RAP1GAP2: variants seen among roughly 807,000 people sequenced by gnomAD.
RAP1GAP2 encodes the protein RAP1 GTPase activating protein 2, also known as rap1 GTPase-activating protein 2.
RAP1GAP2 carries 27 observed loss-of-function variants against 95.0 expected under a neutral mutation model. That is an observed-to-expected ratio of 0.28 (90% confidence interval 0.21 to 0.39). The LOEUF is 0.39. Among genes scored for constraint, RAP1GAP2 ranks in the 10% least tolerant of loss-of-function variants. The pLI is 1.00. For synonymous variants in RAP1GAP2, 373 were observed against 380.9 expected, an observed-to-expected ratio of 0.98 and a Z score of 0.24; for missense variants, 771 against 970.0, an observed-to-expected ratio of 0.79 and a Z score of 2.72.
intron 2 of RAP1GAP2, among the ~76,000 whole-genome samples, chr17:2,800,782 G>A (rs1017476665): frequency 6.6e-6 from 1 of 151,974 alleles, no homozygotes; most frequent in African/African-American, 2.4e-5. Context: ...AATGGTGGGA[G>A]TGTGTGTAGC....
intron 2 of RAP1GAP2, among the ~76,000 whole-genome samples, chr17:2,811,799 G>A (rs1470361796): frequency 3.9e-5 from 6 of 152,042 alleles, no homozygotes; most frequent in South Asian, 2.1e-4. Flanking sequence ...GGCTGGTCCC[G>A]AACTCCTGAC....
Position 2,980,316 on chromosome 17 carries a change from T to C in RAP1GAP2, c.626T>C (p.Ile209Thr). Residue 209 changes from isoleucine to threonine, a missense_variant, in exon 9 of 25, where the codon ATC becomes ACC. Coordinates refer to ENST00000254695, the MANE Select transcript of RAP1GAP2 (RefSeq NM_015085.5). ...AAACTGAAGACGGTACATGAGCGGA[T>C]CCCCTTGGCTGGACTGAGCAAGCTT... ...RSKLKTVHERIPLAGLSKLPS... is the reference protein window; with the variant it reads ...RSKLKTVHERTPLAGLSKLPS... 6.2e-7 allele frequency: 1 copy of C among 1,613,852 alleles called. No individual in the cohort carries two copies. Among genetic ancestry groups the C allele is most frequent in the African/African-American group, 1.3e-5 (1 of 75,020 alleles).
intron 3 of RAP1GAP2, among the ~76,000 whole-genome samples, chr17:2,931,454 C>T (rs766009799): frequency 1.3e-5 from 2 of 152,168 alleles, no homozygotes; most frequent in Non-Finnish European, 2.9e-5. Flanking sequence ...GCCAGGACAG[C>T]GGGGCCGGGA....
chr17:2,949,205 G>T (rs370331862), intron 3 of RAP1GAP2, among the ~76,000 whole-genome samples: 164 of 152,276 alleles, frequency 1.1e-3, no homozygotes, highest in African/African-American at 3.9e-3. Flanking sequence ...AATGCTGGCC[G>T]CCCCTCTGAT....
chr17:2,800,486 G>C (rs1384377470), intron 1 of RAP1GAP2, 29 bp from the exon 2 acceptor site: 1 of 1,608,674 alleles, frequency 6.2e-7, no homozygotes, highest in Non-Finnish European at 8.5e-7. Context: ...CCTCAGCACT[G>C]ACCGGAGCCC....
At chr17:2,875,143 T>C (rs149435622) in intron 2 of RAP1GAP2, among the ~76,000 whole-genome samples, 9,769 of 152,170 alleles carry the variant, frequency 0.064, 1,057 homozygotes, top group African/African-American at 0.22. Context: ...CTCGGCTCAC[T>C]GCAACCCCTG....
rs1397327832 is a variant in RAP1GAP2, at chr17:2,981,187, C to T, written c.676-8C>T. On this transcript the variant is annotated splice_polypyrimidine_tract_variant and splice_region_variant and intron_variant, in intron 9 of 24. Coordinates refer to ENST00000254695, the MANE Select transcript of RAP1GAP2 (RefSeq NM_015085.5). ...ATCCCTGACCTGCGTCTTCTTCTCCCTTCTCAGGCTTTCTGTGATGATGCA... is the reference window on the plus strand; with the variant it reads ...ATCCCTGACCTGCGTCTTCTTCTCCTTTCTCAGGCTTTCTGTGATGATGCA... The T allele has an allele frequency of 6.2e-7, 1 of 1,611,758 alleles. No homozygotes were observed. Among genetic ancestry groups the T allele is most frequent in the Non-Finnish European group, 8.5e-7 (1 of 1,178,788 alleles).
chr17:2,996,976 G>A (rs999201835), intron 13 of RAP1GAP2, among the ~76,000 whole-genome samples: 5 of 152,134 alleles, frequency 3.3e-5, no homozygotes, highest in African/African-American at 7.2e-5. Context: ...ATACAGGAGC[G>A]GGTTTTTGTG....
At chr17:2,887,169 T>G (rs1384430208) in intron 2 of RAP1GAP2, among the ~76,000 whole-genome samples, 1 of 151,946 alleles carries the variant, frequency 6.6e-6, no homozygotes, top group Non-Finnish European at 1.5e-5. Flanking sequence ...GCGATTCTAG[T>G]GCCTCAGCCT....
In RAP1GAP2 at chr17:2,884,372, G is replaced by GTTTTTT. The variant is rs72123618; in HGVS notation, c.81-20899_81-20894dup. ...CTCTTGGAGTCAGAGTTCTTGAGTT[G>GTTTTTT]TTTTTTTTTTTTTTTTTTGAGACAG... On this transcript the variant is annotated intron_variant, in intron 2 of 24. Transcript: ENST00000254695. 8.1e-5 allele frequency among the ~76,000 whole-genome samples: 10 copies of GTTTTTT among 123,734 alleles called. 1 individual carries two copies. The highest frequency in any genetic ancestry group is 8.4e-5 in the Non-Finnish European group (5 of 59,522). 81.2% of individuals were successfully genotyped at this position (123,734 alleles called of 152,430 possible). A position where few individuals can be genotyped will look rare whatever the true frequency, so the allele number is the denominator to read the frequency against.
intron 17 of RAP1GAP2, 111 bp from the exon 18 acceptor site, chr17:3,017,950 T>C: frequency 1.0e-6 from 1 of 963,734 alleles, no homozygotes; most frequent in Non-Finnish European, 1.5e-6. Flanking sequence ...TGTGTGTGTA[T>C]GTGTGCACGC....
intron 14 of RAP1GAP2, among the ~76,000 whole-genome samples, chr17:3,002,055 C>T (rs932518184): frequency 5.3e-5 from 8 of 151,736 alleles, no homozygotes; most frequent in East Asian, 1.9e-4. Context: ...CTCTGCCTCC[C>T]GGGTTCAAGC....
At chr17:2,856,288 C>T (rs1008389148) in intron 2 of RAP1GAP2, among the ~76,000 whole-genome samples, 7 of 151,878 alleles carry the variant, frequency 4.6e-5, no homozygotes, top group African/African-American at 1.7e-4. Context: ...AGAGGAAAAG[C>T]CCCCTGCACA....
chr17:2,945,800 AT>A (rs1172014193), intron 3 of RAP1GAP2, among the ~76,000 whole-genome samples: 20 of 140,090 alleles, frequency 1.4e-4, no homozygotes, highest in African/African-American at 4.4e-4. Flanking sequence ...TTTTATTATT[AT>A]TTTTTTTGAG....
At chr17:2,789,010 T>C (rs1375483639) in intron 1 of RAP1GAP2, among the ~76,000 whole-genome samples, 1 of 152,128 alleles carries the variant, frequency 6.6e-6, no homozygotes, top group Admixed American at 6.5e-5. Context: ...TATTGCCCAA[T>C]AGCTACACAT....
At chr17:2,800,429 G>A in intron 1 of RAP1GAP2, 86 bp from the exon 2 acceptor site, 1 of 1,033,740 alleles carries the variant, frequency 9.7e-7, no homozygotes. Flanking sequence ...GGTGGTTTGG[G>A]CTGTCCCGGG....
chr17:2,769,115 C>T (rs1463710869), intron 1 of RAP1GAP2, among the ~76,000 whole-genome samples: 1 of 151,530 alleles, frequency 6.6e-6, no homozygotes, highest in Non-Finnish European at 1.5e-5. Flanking sequence ...GCCTGCAGTC[C>T]TAGCTACTCA....
At position 2,857,514 on chromosome 17, in the gene RAP1GAP2, C is replaced by T. The variant is rs939567940; in HGVS notation, c.81-47770C>T. Among the ~76,000 whole-genome samples the T allele has an allele frequency of 6.6e-6, 1 of 152,200 alleles. No individual in the cohort carries two copies. The highest frequency in any genetic ancestry group is 6.5e-5 in the Admixed American group (1 of 15,282). On this transcript the variant is annotated intron_variant, in intron 2 of 24. Transcript: ENST00000254695. The surrounding 1 kb of genome is among the most constrained non-coding windows in gnomAD (Gnocchi z 4.0). Reference sequence around the variant, plus strand: ...TCATCATGTTGGACTTGACCGTGCTCTACGGGAGCTGTGGGGCAGCCTGGA... The same window carrying T: ...TCATCATGTTGGACTTGACCGTGCTTTACGGGAGCTGTGGGGCAGCCTGGA...
Position 2,997,871 on chromosome 17 carries a change from C to T in RAP1GAP2, c.1045-350C>T, listed in dbSNP as rs143622731. On this transcript the variant is annotated intron_variant, in intron 13 of 24. Coordinates refer to ENST00000254695, the MANE Select transcript of RAP1GAP2 (RefSeq NM_015085.5). ...CCAGGAGGCGGAGGTTGCAGTGAGC[C>T]GAGATCGTGCCACGGCACTCCAGCC... Among the ~76,000 whole-genome samples, 1,324 of 147,026 alleles carry T rather than the reference C, an allele frequency of 9.0e-3. 23 individuals carry two copies. Among genetic ancestry groups the T allele is most frequent in the African/African-American group, 0.031 (1,242 of 39,708 alleles).
Sources: gnomAD v4.1 joint callset for allele counts (sites outside exome capture counted in the v4.1 genomes callset) on GRCh38, gnomAD v4.1.1 for gene constraint, Gnocchi (gnomAD v3.1) non-coding constraint, MANE v1.5 for transcripts, NCBI Gene and HGNC (gene_info 2026-07-23, HGNC 2026-07-21) for gene names.